Variants in QSER1 observed in about 807,000 individuals in gnomAD.
The protein encoded by QSER1 is glutamine and serine rich 1, also known as glutamine and serine-rich protein 1.
Under a neutral mutation model 158.5 loss-of-function variants are expected in QSER1, and 49 were observed. The ratio of observed to expected loss-of-function variants is 0.31; its 90% CI spans 0.25 to 0.39. The LOEUF (loss-of-function observed/expected upper bound fraction) is 0.39. Ranked by LOEUF, QSER1 falls within the 10% of genes least tolerant of loss-of-function variation. The pLI, the probability that QSER1 is intolerant of heterozygous loss-of-function variation, is 1.00. For missense variants in QSER1, 1,754 were observed against 2,010.3 expected (o/e 0.87, Z 2.44); for synonymous variants, 650 against 715.5 (o/e 0.91, Z 1.46).
intron 4 of QSER1, among the ~76,000 whole-genome samples, chr11:32,950,039 G>GT (rs1228820619): frequency 6.6e-6 from 1 of 152,114 alleles, no homozygotes; most frequent in African/African-American, 2.4e-5. Context: ...TTAGCCTATG[G>GT]TCAAACACCC....
At chr11:32,904,588 C>T (rs1851667487) in intron 1 of QSER1, among the ~76,000 whole-genome samples, 2 of 148,136 alleles carry the variant, frequency 1.4e-5, no homozygotes, top group South Asian at 4.2e-4. Context: ...GGCCTGGTTT[C>T]AGCATATCCA....
chr11:32,963,947 A>G (rs548545447), intron 8 of QSER1, among the ~76,000 whole-genome samples: 1 of 152,132 alleles, frequency 6.6e-6, no homozygotes, highest in Admixed American at 6.6e-5. Context: ...GATTATAGGC[A>G]TGAGTCACCT....
At chr11:32,894,559 T>G (rs1851531012) in intron 1 of QSER1, among the ~76,000 whole-genome samples, 1 of 152,250 alleles carries the variant, frequency 6.6e-6, no homozygotes, top group Non-Finnish European at 1.5e-5. Flanking sequence ...CTTCTTTGTT[T>G]TTACGAAAGT....
rs768668598 is a variant in QSER1 at position 32,932,661 on chromosome 11, G to A, written c.1403G>A (p.Ser468Asn). ...CAGCTACCAAGCCTTTTATCAGTTA[G>A]TCAGTCCCAAAATTACGGTTTAGTA... ...TAQLPSLLSVSQSQNYGLVQP... is the reference protein window; with the variant it reads ...TAQLPSLLSVNQSQNYGLVQP... Residue 468 changes from serine to asparagine, a missense_variant, in exon 4 of 13, where the codon AGT (serine) becomes AAT (asparagine). Physicochemically the swap from Ser to Asn is conservative, Grantham distance 46 (BLOSUM62 1). Transcript: ENST00000650167. The A allele has an allele frequency of 1.9e-6, 3 of 1,613,978 alleles. No individual in the cohort carries two copies. Among genetic ancestry groups the A allele is most frequent in the Non-Finnish European group, 2.5e-6 (3 of 1,180,016 alleles).
rs1437107631 is a variant in QSER1, at chr11:32,909,469, CCTT to C, written c.209+16139_209+16141del. 2.0e-5 allele frequency among the ~76,000 whole-genome samples: 3 copies of C among 148,786 alleles called. No individual in the cohort carries two copies. In the East Asian group the frequency reaches 5.9e-4, roughly 29 times the overall value. On this transcript the variant is annotated intron_variant, in intron 1 of 12. Coordinates refer to ENST00000650167, the MANE Select transcript of QSER1 (RefSeq NM_001076786.3). ...TTTTTTTTTTTTTGAGTCAGAGTTT[CCTT>C]CTTGTGGCCCAGGCTGGAGTGCAGT...
At position 32,893,735 on chromosome 11, in the gene QSER1, G is replaced by A. The variant is rs1304230833; in HGVS notation, c.209+401G>A. ...CGATCCATTGTATTGGAACCTGGGT[G>A]GCCGACAATGCGGTCTTGGGGACTC... On this transcript the variant is annotated intron_variant, in intron 1 of 12. Transcript: ENST00000650167. This position sits in a 1 kb window ranked among gnomAD's most constrained non-coding sequence, Gnocchi z 4.7. Among the ~76,000 whole-genome samples, 2 of 152,190 alleles carry A rather than the reference G, an allele frequency of 1.3e-5. No individual in the cohort carries two copies. Among genetic ancestry groups the A allele is most frequent in the Non-Finnish European group, 2.9e-5 (2 of 68,046 alleles).
intron 1 of QSER1, among the ~76,000 whole-genome samples, chr11:32,921,388 G>C (rs529913681): frequency 2.0e-4 from 31 of 152,132 alleles, no homozygotes; most frequent in Non-Finnish European, 4.3e-4. Context: ...CGTTTATTTG[G>C]GGGGGATGAT....
Position 32,931,913 on chromosome 11 carries a change from A to T in QSER1, c.655A>T (p.Asn219Tyr), listed in dbSNP as rs1852052797. Residue 219 changes from asparagine (N) to tyrosine (Y), a missense_variant, in exon 4 of 13, where the codon AAT becomes TAT. This residue lies in a region of QSER1 where 1,707 missense variants were observed against 1,919.6 expected (regional missense o/e 0.89). Transcript: ENST00000650167. ...LQDSTFNTTSNGILSHHDPLL... is the reference protein window; with the variant it reads ...LQDSTFNTTSYGILSHHDPLL... Reference sequence around the variant, plus strand: ...GGATTCAACTTTTAACACTACATCAAATGGAATTTTAAGTCATCATGACCC... The same window carrying T: ...GGATTCAACTTTTAACACTACATCATATGGAATTTTAAGTCATCATGACCC... The T allele has an allele frequency of 6.2e-7, 1 of 1,613,998 alleles. No individual in the cohort carries two copies. The highest frequency in any genetic ancestry group is 1.3e-5 in the African/African-American group (1 of 74,928).
chr11:32,965,101 ATTTTTTTC>A (rs1217099407), intron 8 of QSER1, among the ~76,000 whole-genome samples: 1 of 151,578 alleles, frequency 6.6e-6, no homozygotes, highest in Admixed American at 6.6e-5. Context: ...CATTAAAATG[ATTTTTTTC>A]TTTTTTTCTT....
intron 1 of QSER1, among the ~76,000 whole-genome samples, chr11:32,900,108 TC>T (rs1851605796): frequency 6.6e-6 from 1 of 152,226 alleles, no homozygotes; most frequent in African/African-American, 2.4e-5. Flanking sequence ...ATCCATAATT[TC>T]CTGCATGGAT....
rs993532590 is a variant in QSER1, at chr11:32,934,988, C to A, written c.3730C>A (p.Pro1244Thr). Residue 1244 changes from proline to threonine, a missense_variant, in exon 4 of 13, where the codon CCT (proline) becomes ACT (threonine). By Grantham distance (38) the Pro-to-Thr change is conservative (BLOSUM62 -1). Around this residue, in one of 2 missense-constraint regions of QSER1, gnomAD observed 1,707 missense variants for 1,919.6 expected, o/e 0.89. Coordinates refer to ENST00000650167, the MANE Select transcript of QSER1 (RefSeq NM_001076786.3). Reference sequence around the variant, plus strand: ...AACAGATATTTACTTACCGTATACTCCTCCTTCCTCAGAAAGCTGCCATGA... The same window carrying A: ...AACAGATATTTACTTACCGTATACTACTCCTTCCTCAGAAAGCTGCCATGA... ...RGTDIYLPYTPPSSESCHDGY... is the reference protein window; with the variant it reads ...RGTDIYLPYTTPSSESCHDGY... 3.7e-6 allele frequency: 6 copies of A among 1,614,138 alleles called. No individual in the cohort carries two copies. Among genetic ancestry groups the A allele is most frequent in the African/African-American group, 1.3e-5 (1 of 75,060 alleles).
At chr11:32,969,231 C>A in intron 10 of QSER1, 88 bp downstream of exon 10, 1 of 833,366 alleles carries the variant, frequency 1.2e-6, no homozygotes, top group Non-Finnish European at 1.9e-6. Context: ...AAATTATTCA[C>A]TTACAACATT....
At chr11:32,936,112 A>G (rs1852149240) in intron 4 of QSER1, among the ~76,000 whole-genome samples, 1 of 152,128 alleles carries the variant, frequency 6.6e-6, no homozygotes, top group South Asian at 2.1e-4. Flanking sequence ...ATATGTATAC[A>G]TGTGCCATGT....
At chr11:32,967,782 G>A (rs1852777083) in intron 9 of QSER1, among the ~76,000 whole-genome samples, 1 of 152,126 alleles carries the variant, frequency 6.6e-6, no homozygotes, top group Non-Finnish European at 1.5e-5. Flanking sequence ...CTAATTTCTG[G>A]TCTAGTGCTT....
At position 32,953,902 on chromosome 11, in the gene QSER1, G is replaced by A. The variant is rs751183620; in HGVS notation, c.4223G>A (p.Gly1408Asp). The A allele has an allele frequency of 5.6e-6, 9 of 1,614,092 alleles. No individual in the cohort carries two copies. In the Admixed American group the frequency reaches 1.5e-4, roughly 27 times the overall value. Residue 1408 changes from glycine to aspartate, a missense_variant, in exon 5 of 13, where the codon GGT becomes GAT. Physicochemically the swap from Gly to Asp is moderately conservative, Grantham distance 94. This residue lies in a region of QSER1 where 1,707 missense variants were observed against 1,919.6 expected (regional missense o/e 0.89). Transcript: ENST00000650167. ...ATTSPTANTT[G>D]TATTSSTTVG... is the part of the protein sequence containing the mutation. ...ACTAGCCCAACTGCCAATACTACTG[G>A]TACTGCTACTACTTCCTCAACCACT...
At chr11:32,958,593 G>T (rs1852567149) in intron 8 of QSER1, among the ~76,000 whole-genome samples, 1 of 152,042 alleles carries the variant, frequency 6.6e-6, no homozygotes, top group Admixed American at 6.6e-5. Flanking sequence ...TGTCACCCAG[G>T]ATGGTCTCAA....
intron 1 of QSER1, among the ~76,000 whole-genome samples, chr11:32,897,548 G>C (rs1194177204): frequency 6.6e-6 from 1 of 152,094 alleles, no homozygotes; most frequent in Non-Finnish European, 1.5e-5. Context: ...GCTTTTTCCT[G>C]TTCTTCACTG....
At chr11:32,903,143 T>G (rs1158527205) in intron 1 of QSER1, among the ~76,000 whole-genome samples, 1 of 152,134 alleles carries the variant, frequency 6.6e-6, no homozygotes, top group Non-Finnish European at 1.5e-5. Context: ...TTTCCATTAT[T>G]TAAAAAATTA....
In QSER1 at chr11:32,907,929, C is replaced by T. The variant is rs114037594; in HGVS notation, c.209+14595C>T. 4.6e-3 allele frequency among the ~76,000 whole-genome samples: 700 copies of T among 152,218 alleles called. 7 individuals carry two copies. The highest frequency in any genetic ancestry group is 0.015 in the African/African-American group (625 of 41,540). ...AGCTTGGGCAACATAGGGAGACCCTCGTCTCTACAAAAAATACATAATTAG... is the reference window on the plus strand; with the variant it reads ...AGCTTGGGCAACATAGGGAGACCCTTGTCTCTACAAAAAATACATAATTAG... On this transcript the variant is annotated intron_variant, in intron 1 of 12. Coordinates refer to ENST00000650167, the MANE Select transcript of QSER1 (RefSeq NM_001076786.3).
Sources: allele counts gnomAD v4.1 joint callset (sites outside exome capture counted in the v4.1 genomes callset), GRCh38; gene constraint gnomAD v4.1.1; regional missense constraint gnomAD v4.1.1; non-coding constraint Gnocchi (gnomAD v3.1); transcripts MANE v1.5; gene names NCBI Gene and HGNC (gene_info 2026-07-23, HGNC 2026-07-21).